Variants in ZC3H3 observed in about 807,000 individuals in gnomAD.
ZC3H3 encodes the protein zinc finger CCCH-type containing 3.
ZC3H3 carries 36 observed loss-of-function variants against 77.3 expected under a neutral mutation model. That is an observed-to-expected ratio of 0.47 (90% CI 0.36 to 0.61). The LOEUF is 0.61. Ranked by LOEUF, ZC3H3 falls within the 20% of genes least tolerant of loss-of-function variation. The pLI, the probability that ZC3H3 is intolerant of heterozygous loss-of-function variation, is 0.00. For missense variants in ZC3H3, 1,331 were observed against 1,312.2 expected, an observed-to-expected ratio of 1.01 and a Z score of -0.22; for synonymous variants, 626 against 555.2, an observed-to-expected ratio of 1.13 and a Z score of -1.79.
intron 4 of ZC3H3, among the ~76,000 whole-genome samples, chr8:143,482,652 C>G (rs1041618183): frequency 1.3e-5 from 2 of 152,130 alleles, no homozygotes; most frequent in East Asian, 1.9e-4. Flanking sequence ...TCTCTGAGAA[C>G]AAAGGGAGCA....
At chr8:143,512,909 T>G (rs1168939868) in intron 3 of ZC3H3, among the ~76,000 whole-genome samples, 2 of 152,124 alleles carry the variant, frequency 1.3e-5, no homozygotes, top group African/African-American at 2.4e-5. Context: ...CCCCGGGAAG[T>G]GCCCCTCCAG....
chr8:143,516,472 T>C (rs1316976353), intron 3 of ZC3H3, among the ~76,000 whole-genome samples: 1 of 150,554 alleles, frequency 6.6e-6, no homozygotes, highest in Non-Finnish European at 1.5e-5. Context: ...GAATCCCACA[T>C]TGGCAGAAAA....
chr8:143,516,722 G>A (rs1822064048), intron 3 of ZC3H3, among the ~76,000 whole-genome samples: 1 of 152,160 alleles, frequency 6.6e-6, no homozygotes, highest in Admixed American at 6.5e-5. Context: ...CTCCCCAGGT[G>A]GGTGCAGCAC....
chr8:143,524,551 C>G (rs551620662), intron 3 of ZC3H3, among the ~76,000 whole-genome samples: 29 of 152,380 alleles, frequency 1.9e-4, no homozygotes, highest in African/African-American at 6.3e-4. Flanking sequence ...CAGCCCATCA[C>G]GCTAGCAGCA....
intron 4 of ZC3H3, among the ~76,000 whole-genome samples, chr8:143,490,978 T>A (rs987208244): frequency 2.6e-5 from 4 of 152,168 alleles, no homozygotes; most frequent in Non-Finnish European, 5.9e-5. Flanking sequence ...CAAGGTAAAG[T>A]GGTATTTAAA....
intron 3 of ZC3H3, among the ~76,000 whole-genome samples, chr8:143,526,140 T>G (rs974436786): frequency 6.6e-6 from 1 of 152,128 alleles, no homozygotes; most frequent in Non-Finnish European, 1.5e-5. Context: ...CTGACTTCAG[T>G]GGGGGTCCAG....
At chr8:143,523,404 G>C in intron 3 of ZC3H3, 1 of 985,458 alleles carries the variant, frequency 1.0e-6, no homozygotes, top group Non-Finnish European at 1.2e-6. Flanking sequence ...TGCAGTTCAT[G>C]TTTTCCCGGT....
At chr8:143,438,211 T>G in intron 11 of ZC3H3, 124 bp from the exon 12 acceptor site, 3 of 1,247,208 alleles carry the variant, frequency 2.4e-6, no homozygotes, top group Admixed American at 2.0e-5. Context: ...CAGCAAGGTC[T>G]GCAGAGATAC....
At chr8:143,474,330 G>T (rs999458206) in intron 5 of ZC3H3, among the ~76,000 whole-genome samples, 1 of 152,124 alleles carries the variant, frequency 6.6e-6, no homozygotes, top group African/African-American at 2.4e-5. Context: ...AGCGAGTGGG[G>T]ATTTATTCCT....
chr8:143,527,321 A>G (rs1822446216), intron 3 of ZC3H3, among the ~76,000 whole-genome samples: 1 of 152,120 alleles, frequency 6.6e-6, no homozygotes, highest in Non-Finnish European at 1.5e-5. Flanking sequence ...GGACTACCTC[A>G]ATCCATTCAA....
intron 3 of ZC3H3, among the ~76,000 whole-genome samples, chr8:143,529,945 G>A (rs1297153894): frequency 1.3e-5 from 2 of 152,190 alleles, no homozygotes; most frequent in African/African-American, 2.4e-5. Context: ...CAAGACCCAC[G>A]CCTGCCCTTT....
intron 4 of ZC3H3, chr8:143,484,971 C>A: frequency 2.4e-6 from 1 of 425,332 alleles, no homozygotes; most frequent in Non-Finnish European, 4.7e-6. Context: ...GGGAAAACCA[C>A]AATAAAAACC....
At chr8:143,509,643 G>A (rs890755519) in intron 3 of ZC3H3, among the ~76,000 whole-genome samples, 12 of 152,232 alleles carry the variant, frequency 7.9e-5, no homozygotes, top group African/African-American at 1.2e-4. Context: ...AGCCTGGGGC[G>A]ATGCTGGCCC....
intron 5 of ZC3H3, among the ~76,000 whole-genome samples, chr8:143,474,260 G>A (rs1820661411): frequency 6.6e-6 from 1 of 150,536 alleles, no homozygotes; most frequent in Non-Finnish European, 1.5e-5. Context: ...GTGAGTGGGA[G>A]GCACACACAG....
At chr8:143,451,536 G>C (rs1053972747) in intron 9 of ZC3H3, among the ~76,000 whole-genome samples, 1 of 152,082 alleles carries the variant, frequency 6.6e-6, no homozygotes, top group Non-Finnish European at 1.5e-5. Context: ...GGCCGGGCAC[G>C]GTGGCTCACC....
At position 143,530,236 on chromosome 8, in the gene ZC3H3, G is replaced by A. The variant is rs1177538689; in HGVS notation, c.1561+6021C>T. Among the ~76,000 whole-genome samples, 2 of 152,034 alleles carry A rather than the reference G, an allele frequency of 1.3e-5. No individual in the cohort carries two copies. Among genetic ancestry groups the A allele is most frequent in the Admixed American group, 6.5e-5 (1 of 15,270 alleles). On this transcript the variant is annotated intron_variant, in intron 3 of 11. Coordinates refer to ENST00000262577, the MANE Select transcript of ZC3H3 (RefSeq NM_015117.3). This position sits in a 1 kb window ranked among gnomAD's most constrained non-coding sequence, Gnocchi z 4.3. ...GGTGTGCCCAGGACCTGCCAGGCCCGCACCCTCCACCAGCACACTGGCGAC... is the reference window on the plus strand; with the variant it reads ...GGTGTGCCCAGGACCTGCCAGGCCCACACCCTCCACCAGCACACTGGCGAC...
chr8:143,539,363 C>T (rs757203007), intron 1 of ZC3H3, 43 bp from the exon 2 acceptor site: 9 of 1,531,158 alleles, frequency 5.9e-6, no homozygotes, highest in African/African-American at 2.8e-5. Context: ...AGAGGGTAAC[C>T]GCGATAATCA....
Position 143,526,252 on chromosome 8 carries a change from C to T in ZC3H3, c.1561+10005G>A, listed in dbSNP as rs1276538716. On this transcript the variant is annotated intron_variant, in intron 3 of 11. Transcript: ENST00000262577. ...AGTCACACCCATGACATCAGGGCCT[C>T]GCCAGGCTGGCCCACCAGTCACAGT... is the stretch of plus-strand genomic sequence containing the variant. Among the ~76,000 whole-genome samples, 10 of 152,200 alleles carry T rather than the reference C, an allele frequency of 6.6e-5. No individual in the cohort carries two copies. The East Asian group carries it at 1.3e-3, about 21-fold the overall frequency.
At chr8:143,463,961 C>T (rs1820338007) in intron 9 of ZC3H3, among the ~76,000 whole-genome samples, 1 of 152,256 alleles carries the variant, frequency 6.6e-6, no homozygotes, top group African/African-American at 2.4e-5. Flanking sequence ...CAAGCCATCG[C>T]TTTATGAAGC....
Sources: allele counts gnomAD v4.1 joint callset (sites outside exome capture counted in the v4.1 genomes callset), GRCh38; gene constraint gnomAD v4.1.1; non-coding constraint Gnocchi (gnomAD v3.1); transcripts MANE v1.5; gene names NCBI Gene and HGNC (gene_info 2026-07-23, HGNC 2026-07-21).